The following ZHX3 variants were observed in gnomAD, a reference collection of about 807,000 sequenced individuals.
ZHX3 encodes zinc fingers and homeoboxes protein 3.
Under a neutral mutation model 64.5 loss-of-function variants are expected in ZHX3, and 20 were observed. The ratio of observed to expected loss-of-function variants is 0.31; its 90% CI spans 0.22 to 0.45. The LOEUF (loss-of-function observed/expected upper bound fraction) is 0.45, where lower values mean the gene tolerates loss of function less well. ZHX3 is among the 20% of genes least tolerant of loss of function. The probability of loss-of-function intolerance (pLI) is 1.00; values close to 1 mark genes in which losing one functional copy is unlikely to be tolerated. For missense variants in ZHX3, 1,041 were observed against 1,195.8 expected, an observed-to-expected ratio of 0.87 and a Z score of 1.91; for synonymous variants, 423 against 461.6, an observed-to-expected ratio of 0.92 and a Z score of 1.07.
chr20:41,278,543 C>T (rs896090122), intron 1 of ZHX3, among the ~76,000 whole-genome samples: 3 of 140,676 alleles, frequency 2.1e-5, no homozygotes, highest in African/African-American at 8.0e-5. Flanking sequence ...GCATTCTTTG[C>T]ATCTTTTATT....
intron 2 of ZHX3, among the ~76,000 whole-genome samples, chr20:41,244,752 A>G (rs1386662047): frequency 2.6e-5 from 4 of 152,212 alleles, no homozygotes; most frequent in Non-Finnish European, 5.9e-5. Context: ...ATGAACCTGG[A>G]ATTCCCACGC....
intron 1 of ZHX3, among the ~76,000 whole-genome samples, chr20:41,295,843 T>C (rs1486246611): frequency 2.0e-5 from 3 of 147,816 alleles, no homozygotes; most frequent in East Asian, 3.9e-4. Flanking sequence ...ACAACGAGAC[T>C]CCGTCTCAAA....
chr20:41,199,280 T>A (rs1435074439), intron 3 of ZHX3, among the ~76,000 whole-genome samples: 1 of 152,164 alleles, frequency 6.6e-6, no homozygotes, highest in Non-Finnish European at 1.5e-5. Flanking sequence ...GAATGGACCA[T>A]GGTTTTCTAT....
intron 1 of ZHX3, among the ~76,000 whole-genome samples, chr20:41,305,795 A>G (rs993696453): frequency 6.6e-6 from 1 of 151,716 alleles, no homozygotes; most frequent in African/African-American, 2.4e-5. Context: ...AAAAAAATAT[A>G]AATAAATAAA....
At chr20:41,294,000 T>C (rs1229774844) in intron 1 of ZHX3, among the ~76,000 whole-genome samples, 1 of 152,096 alleles carries the variant, frequency 6.6e-6, no homozygotes, top group Non-Finnish European at 1.5e-5. Context: ...TGGAAGGACA[T>C]GGGCACCATT....
At chr20:41,194,742 A>ATATT (rs2037339733) in intron 3 of ZHX3, among the ~76,000 whole-genome samples, 1 of 152,040 alleles carries the variant, frequency 6.6e-6, no homozygotes, top group Non-Finnish European at 1.5e-5. Flanking sequence ...AGTTATTGAT[A>ATATT]TATTTTGGTT....
At chr20:41,246,546 A>T (rs1432446885) in intron 2 of ZHX3, among the ~76,000 whole-genome samples, 1 of 152,228 alleles carries the variant, frequency 6.6e-6, no homozygotes. Flanking sequence ...AAAAAAATCC[A>T]GGCTTTTGAA....
intron 2 of ZHX3, among the ~76,000 whole-genome samples, chr20:41,217,828 T>C (rs2039637068): frequency 6.6e-6 from 1 of 152,240 alleles, no homozygotes; most frequent in Non-Finnish European, 1.5e-5. Context: ...CGACATATTT[T>C]TGGCAGAGCC....
intron 2 of ZHX3, among the ~76,000 whole-genome samples, chr20:41,234,183 C>T (rs923242543): frequency 6.6e-6 from 1 of 152,192 alleles, no homozygotes; most frequent in Non-Finnish European, 1.5e-5. Context: ...GGTGGCACTG[C>T]ATTGCAATTG....
intron 2 of ZHX3, among the ~76,000 whole-genome samples, chr20:41,247,285 T>C (rs2041754774): frequency 6.6e-6 from 1 of 152,136 alleles, no homozygotes; most frequent in African/African-American, 2.4e-5. Flanking sequence ...AAAGACTTGC[T>C]TAATACTGGG....
chr20:41,219,117 G>A lies in ZHX3; in HGVS notation c.-150-14051C>T, dbSNP rs2039765984. Among the ~76,000 whole-genome samples the A allele has an allele frequency of 6.6e-6, 1 of 151,868 alleles. No individual in the cohort carries two copies. On this transcript the variant is annotated intron_variant, in intron 2 of 3. Transcript: ENST00000683867. This position sits in a 1 kb window ranked among gnomAD's most constrained non-coding sequence, Gnocchi z 5.0. ...GCTAATTTTTTGTATTTTTATTAGA[G>A]ACGGGTTTTCACCGTGTTAGCGAGC...
intron 2 of ZHX3, among the ~76,000 whole-genome samples, chr20:41,223,312 AG>A (rs2040068561): frequency 6.6e-6 from 1 of 152,360 alleles, no homozygotes; most frequent in African/African-American, 2.4e-5. Context: ...GCCTCTAGGA[AG>A]GCAGCCTGCT....
chr20:41,291,022 T>C (rs1184010661), intron 1 of ZHX3, among the ~76,000 whole-genome samples: 1 of 152,216 alleles, frequency 6.6e-6, no homozygotes, highest in East Asian at 1.9e-4. Flanking sequence ...TGGTATTGTT[T>C]GATGAAGCCC....
chr20:41,314,156 CTACCCCAAGATACAAT>C (rs1181735982), intron 1 of ZHX3, among the ~76,000 whole-genome samples: 2 of 152,128 alleles, frequency 1.3e-5, no homozygotes, highest in Non-Finnish European at 2.9e-5. Context: ...TGTAAAAATT[CTACCCCAAGATACAAT>C]TTTCCCATCC....
intron 1 of ZHX3, among the ~76,000 whole-genome samples, chr20:41,279,888 A>C (rs1026722413): frequency 1.3e-5 from 2 of 152,208 alleles, no homozygotes; most frequent in African/African-American, 4.8e-5. Context: ...GAGATAAGTG[A>C]AGCTGGATGT....
chr20:41,257,455 T>C (rs2042317747), intron 2 of ZHX3, among the ~76,000 whole-genome samples: 1 of 152,144 alleles, frequency 6.6e-6, no homozygotes, highest in Non-Finnish European at 1.5e-5. Flanking sequence ...TCATCATTCA[T>C]ATTTTACCCA....
At chr20:41,209,435 AACTAT>A (rs1172568527) in intron 2 of ZHX3, among the ~76,000 whole-genome samples, 1 of 152,148 alleles carries the variant, frequency 6.6e-6, no homozygotes, top group African/African-American at 2.4e-5. Flanking sequence ...CTTGACTTCA[AACTAT>A]ACTATACTAC....
At chr20:41,210,458 C>A (rs1262594514) in intron 2 of ZHX3, among the ~76,000 whole-genome samples, 4 of 152,150 alleles carry the variant, frequency 2.6e-5, no homozygotes, top group Admixed American at 2.6e-4. Flanking sequence ...AAATGTCCAT[C>A]AATGATAGAC....
rs1162298011 is a variant in ZHX3, at chr20:41,195,693, GGCATAA to G, written c.2860+6358_2860+6363del. Among the ~76,000 whole-genome samples the G allele has an allele frequency of 6.6e-6, 1 of 152,230 alleles. No homozygotes were observed. The highest frequency in any genetic ancestry group is 1.5e-5 in the Non-Finnish European group (1 of 68,046). On this transcript the variant is annotated intron_variant, in intron 3 of 3. Transcript: ENST00000683867. The surrounding 1 kb of genome is among the most constrained non-coding windows in gnomAD (Gnocchi z 4.2). Reference sequence around the variant, plus strand: ...AGCCTCCCAAAGTGTGGGGATTACAGGCATAAGCCACTGCGCCCAGCGTAAGTTCTC... The same window carrying G: ...AGCCTCCCAAAGTGTGGGGATTACAGGCCACTGCGCCCAGCGTAAGTTCTC...
Sources: gnomAD v4.1 joint callset for allele counts (sites outside exome capture counted in the v4.1 genomes callset) on GRCh38, gnomAD v4.1.1 for gene constraint, Gnocchi (gnomAD v3.1) non-coding constraint, MANE v1.5 for transcripts, NCBI Gene and HGNC (gene_info 2026-07-23, HGNC 2026-07-21) for gene names.